DLGAP2: variants seen among roughly 807,000 people sequenced by gnomAD.
DLGAP2 encodes the protein disks large-associated protein 2.
In DLGAP2, 26 loss-of-function variants were observed where a neutral mutation model predicts 100.3. The ratio of observed to expected loss-of-function variants is 0.26; its 90% CI spans 0.19 to 0.36. The LOEUF (loss-of-function observed/expected upper bound fraction) is 0.36, where lower values mean the gene tolerates loss of function less well. Ranked by LOEUF, DLGAP2 falls within the 10% of genes least tolerant of loss-of-function variation. The pLI is 1.00. For missense variants in DLGAP2, 1,858 were observed against 1,453.2 expected (o/e 1.28, Z -4.53); for synonymous variants, 886 against 630.1 (o/e 1.41, Z -6.08).
At chr8:1,651,656 C>T (rs1317701838) in intron 8 of DLGAP2, among the ~76,000 whole-genome samples, 2 of 152,210 alleles carry the variant, frequency 1.3e-5, no homozygotes, top group Non-Finnish European at 2.9e-5. Context: ...CCCCTAGCTC[C>T]GTTCTCTGCG....
chr8:1,096,747 G>C (rs1804385098), intron 2 of DLGAP2, among the ~76,000 whole-genome samples: 1 of 140,158 alleles, frequency 7.1e-6, no homozygotes, highest in Non-Finnish European at 1.5e-5. Flanking sequence ...GTACAGTGGA[G>C]CTGGGAGCCC....
chr8:936,129 C>T (rs376191210), intron 2 of DLGAP2, among the ~76,000 whole-genome samples: 5 of 152,190 alleles, frequency 3.3e-5, no homozygotes, highest in East Asian at 1.9e-4. Context: ...CACTGTGTAC[C>T]GTGTGTCGCT....
At chr8:1,646,179 G>A (rs1386259831) in intron 8 of DLGAP2, among the ~76,000 whole-genome samples, 6 of 152,144 alleles carry the variant, frequency 3.9e-5, no homozygotes, top group African/African-American at 1.4e-4. Context: ...GGTGGGCCAC[G>A]TCCTATCTAG....
At chr8:1,483,420 C>G (rs1404739052) in intron 3 of DLGAP2, among the ~76,000 whole-genome samples, 1 of 152,112 alleles carries the variant, frequency 6.6e-6, no homozygotes. Context: ...TTGACGGACC[C>G]AGAAGCTGAA....
intron 2 of DLGAP2, among the ~76,000 whole-genome samples, chr8:1,187,169 A>G (rs547650470): frequency 1.3e-4 from 20 of 152,356 alleles, no homozygotes; most frequent in Non-Finnish European, 2.6e-4. Flanking sequence ...AATGGGGGCA[A>G]TAGTCACAAC....
At chr8:1,028,112 T>C (rs1185371666) in intron 2 of DLGAP2, among the ~76,000 whole-genome samples, 1 of 136,644 alleles carries the variant, frequency 7.3e-6, no homozygotes, top group African/African-American at 2.8e-5. Context: ...CAGGGGCCCG[T>C]TATTCTCCAG....
chr8:1,295,665 A>G (rs1219197096), intron 3 of DLGAP2, among the ~76,000 whole-genome samples: 1 of 152,208 alleles, frequency 6.6e-6, no homozygotes, highest in African/African-American at 2.4e-5. Context: ...CGTAAAAGCC[A>G]ATTTGGATCC....
At chr8:1,624,390 T>C (rs954901255) in intron 6 of DLGAP2, among the ~76,000 whole-genome samples, 2 of 152,054 alleles carry the variant, frequency 1.3e-5, no homozygotes, top group African/African-American at 4.8e-5. Flanking sequence ...GAGGCCACAC[T>C]GCTCGGGCTC....
At chr8:752,853 C>T (rs1820826651) in intron 1 of DLGAP2, among the ~76,000 whole-genome samples, 1 of 152,134 alleles carries the variant, frequency 6.6e-6, no homozygotes, top group Admixed American at 6.5e-5. Context: ...CCCACTCCTG[C>T]CCCTCCAAGA....
At chr8:1,497,710 G>T (rs934967783) in intron 3 of DLGAP2, among the ~76,000 whole-genome samples, 4 of 152,218 alleles carry the variant, frequency 2.6e-5, no homozygotes, top group African/African-American at 9.6e-5. Context: ...CTTGCCTAGT[G>T]AGGGTTCTGA....
At chr8:1,178,276 G>A (rs7837726) in intron 2 of DLGAP2, among the ~76,000 whole-genome samples, 34,393 of 152,162 alleles carry the variant, frequency 0.23, 4,068 homozygotes, top group Middle Eastern at 0.36. Flanking sequence ...TGAGGTTAGA[G>A]GGCTGTGAAT....
At chr8:1,170,802 C>T (rs1797113072) in intron 2 of DLGAP2, among the ~76,000 whole-genome samples, 1 of 147,168 alleles carries the variant, frequency 6.8e-6, no homozygotes, top group South Asian at 2.3e-4. Context: ...TGCTAGCGGT[C>T]TATCAATTTT....
chr8:1,125,937 G>A (rs967293573), intron 2 of DLGAP2, among the ~76,000 whole-genome samples: 2 of 152,226 alleles, frequency 1.3e-5, no homozygotes, highest in Non-Finnish European at 2.9e-5. Flanking sequence ...TTGGCATTGA[G>A]AATCCCTGGC....
intron 3 of DLGAP2, among the ~76,000 whole-genome samples, chr8:1,330,105 A>T (rs190760926): frequency 6.6e-6 from 1 of 152,166 alleles, no homozygotes; most frequent in East Asian, 1.9e-4. Context: ...GTTTCTTTGT[A>T]TCTTGCCCCT....
chr8:1,685,169 G>C (rs1799082233), intron 12 of DLGAP2, among the ~76,000 whole-genome samples: 2 of 151,294 alleles, frequency 1.3e-5, no homozygotes, highest in African/African-American at 4.9e-5. Flanking sequence ...CACCCCGGCA[G>C]TTGGCACTCA....
chr8:1,245,832 C>T (rs566616053), intron 2 of DLGAP2, among the ~76,000 whole-genome samples: 6 of 152,308 alleles, frequency 3.9e-5, no homozygotes, highest in African/African-American at 1.4e-4. Flanking sequence ...ACTTTGTGCA[C>T]AGTGGCACAC....
intron 4 of DLGAP2, among the ~76,000 whole-genome samples, chr8:1,540,441 G>C (rs2130488439): frequency 6.6e-6 from 1 of 152,232 alleles, no homozygotes; most frequent in Admixed American, 6.5e-5. Context: ...GAAAGAGAGG[G>C]AAAGGAAGGC....
At chr8:1,261,336 T>C (rs548647827) in intron 3 of DLGAP2, among the ~76,000 whole-genome samples, 1 of 150,478 alleles carries the variant, frequency 6.6e-6, no homozygotes, top group East Asian at 2.0e-4. Flanking sequence ...TCCAGATATT[T>C]AAAGCGAGAC....
At chr8:1,408,836 T>G (rs1796648332) in intron 3 of DLGAP2, among the ~76,000 whole-genome samples, 2 of 151,914 alleles carry the variant, frequency 1.3e-5, no homozygotes, top group South Asian at 4.2e-4. Context: ...TTGACTGTCA[T>G]TTAACATTAA....
Sources: allele counts gnomAD v4.1 joint callset (sites outside exome capture counted in the v4.1 genomes callset), GRCh38; gene constraint gnomAD v4.1.1; transcripts MANE v1.5; gene names NCBI Gene and HGNC (gene_info 2026-07-23, HGNC 2026-07-21).